The following SWT1 variants were observed in gnomAD, a reference collection of about 807,000 sequenced individuals.
The protein encoded by SWT1 is SWT1 RNA endoribonuclease homolog.
In SWT1, 33 loss-of-function variants were observed where a neutral mutation model predicts 107.3. That is an observed-to-expected ratio of 0.31 (90% confidence interval 0.23 to 0.41). The LOEUF (loss-of-function observed/expected upper bound fraction) is 0.41. SWT1 is among the 10% of genes least tolerant of loss of function. The probability of loss-of-function intolerance (pLI) is 1.00; values close to 1 mark genes in which losing one functional copy is unlikely to be tolerated. For synonymous variants in SWT1, 345 were observed against 348.3 expected, an observed-to-expected ratio of 0.99 and a Z score of 0.11; for missense variants, 898 against 1,028.9, an observed-to-expected ratio of 0.87 and a Z score of 1.74.
chr1:185,274,856 A>G (rs1324267111), intron 17 of SWT1, among the ~76,000 whole-genome samples: 6 of 152,218 alleles, frequency 3.9e-5, no homozygotes, highest in East Asian at 3.9e-4. Flanking sequence ...AAATGTCTTC[A>G]TAGTCAAAAT....
chr1:185,234,934 C>T (rs1393661964), intron 16 of SWT1, among the ~76,000 whole-genome samples: 1 of 152,158 alleles, frequency 6.6e-6, no homozygotes, highest in East Asian at 1.9e-4. Flanking sequence ...TTATAAACAC[C>T]TCTATGCAAA....
intron 2 of SWT1, 53 bp from the exon 3 acceptor site, chr1:185,166,519 A>T: frequency 8.5e-7 from 1 of 1,177,082 alleles, no homozygotes; most frequent in Non-Finnish European, 1.2e-6. Context: ...TTCTGTTTAT[A>T]CTATGCTTTA....
chr1:185,283,399 A>C (rs1664757652), intron 18 of SWT1, among the ~76,000 whole-genome samples: 1 of 152,188 alleles, frequency 6.6e-6, no homozygotes, highest in African/African-American at 2.4e-5. Context: ...TGGTAAATTA[A>C]GGAGATTATC....
intron 10 of SWT1, among the ~76,000 whole-genome samples, chr1:185,196,530 T>C (rs1164942606): frequency 6.6e-6 from 1 of 152,202 alleles, no homozygotes; most frequent in Non-Finnish European, 1.5e-5. Flanking sequence ...AGAAAGCCAA[T>C]GGTAGCTTGA....
intron 14 of SWT1, among the ~76,000 whole-genome samples, chr1:185,218,477 T>G (rs773839564): frequency 6.6e-6 from 1 of 152,128 alleles, no homozygotes; most frequent in African/African-American, 2.4e-5. Context: ...GCTGAGCTAA[T>G]TTTTAAATTT....
chr1:185,224,397 G>A (rs1659898784), intron 15 of SWT1, among the ~76,000 whole-genome samples: 1 of 152,032 alleles, frequency 6.6e-6, no homozygotes, highest in African/African-American at 2.4e-5. Context: ...GTTGTTTGTG[G>A]TATATTTTGA....
rs1479996958 is a variant in SWT1, at chr1:185,174,777, A to G, written c.630A>G (p.Gln210=). ...KCVLEKWKRN[Q]FSQDYNSNKI... is the part of the protein sequence containing the mutation. ...TCTTAGAGAAATGGAAGAGAAATCA[A>G]TTTTCTCAGGATTATAACTCCAACA... The change falls in exon 5 of 19, where the codon CAA becomes CAG. Residue 210 remains glutamine, a synonymous_variant. Coordinates refer to ENST00000367500, the MANE Select transcript of SWT1 (RefSeq NM_017673.7). 1.4e-5 allele frequency: 23 copies of G among 1,610,646 alleles called. No individual in the cohort carries two copies. Among genetic ancestry groups the G allele is most frequent in the East Asian group, 2.2e-5 (1 of 44,864 alleles).
chr1:185,251,523 A>G (rs1274653563), intron 16 of SWT1: 2 of 152,022 alleles, frequency 1.3e-5, no homozygotes, highest in Admixed American at 1.3e-4. Context: ...GGGATTTTCA[A>G]TTTCTTATTG....
intron 18 of SWT1, among the ~76,000 whole-genome samples, chr1:185,287,879 G>A (rs569817142): frequency 2.0e-5 from 3 of 152,160 alleles, no homozygotes; most frequent in Non-Finnish European, 4.4e-5. Context: ...ACTAACTCAC[G>A]TGAATTAAGA....
At chr1:185,159,975 C>T (rs1378152870) in intron 1 of SWT1, among the ~76,000 whole-genome samples, 1 of 152,040 alleles carries the variant, frequency 6.6e-6, no homozygotes, top group Non-Finnish European at 1.5e-5. Flanking sequence ...CCGCCTGTCT[C>T]GGCCTCCCAA....
Position 185,198,237 on chromosome 1 carries a change from G to A in SWT1, c.1524-4417G>A, listed in dbSNP as rs576171508. ...GAGCAGGTTGTTCAGTTTCCATGAC[G>A]TTGTGTGGTTTTGAGTGAGTTTCTT... On this transcript the variant is annotated intron_variant, in intron 10 of 18. Transcript: ENST00000367500. Among the ~76,000 whole-genome samples, 10 of 152,208 alleles carry A rather than the reference G, an allele frequency of 6.6e-5. No individual in the cohort carries two copies. The South Asian group carries it at 1.9e-3, about 28-fold the overall frequency.
chr1:185,270,570 T>A (rs147950504), intron 16 of SWT1, among the ~76,000 whole-genome samples: 1 of 152,130 alleles, frequency 6.6e-6, no homozygotes, highest in African/African-American at 2.4e-5. Context: ...TAGCCCGACT[T>A]GGTGGCGCTT....
intron 4 of SWT1, among the ~76,000 whole-genome samples, chr1:185,169,611 A>G (rs1654877596): frequency 6.6e-6 from 1 of 152,054 alleles, no homozygotes; most frequent in Non-Finnish European, 1.5e-5. Context: ...ATAAGCAAGA[A>G]GCTGGGCACA....
intron 10 of SWT1, among the ~76,000 whole-genome samples, chr1:185,200,058 C>A (rs1332137933): frequency 4.6e-5 from 7 of 151,950 alleles, no homozygotes; most frequent in Admixed American, 2.6e-4. Context: ...CTTGTGTATG[C>A]TTTACGAAGT....
intron 5 of SWT1, chr1:185,177,060 G>C: frequency 3.1e-6 from 3 of 982,278 alleles, no homozygotes; most frequent in Non-Finnish European, 3.6e-6. Context: ...TATAACTAAG[G>C]AGGCCAGAAG....
At chr1:185,254,589 G>A (rs1662325768) in intron 16 of SWT1, among the ~76,000 whole-genome samples, 1 of 150,770 alleles carries the variant, frequency 6.6e-6, no homozygotes, top group South Asian at 2.1e-4. Context: ...AGTATTCTCT[G>A]ATGGTAGTTT....
At chr1:185,219,635 T>C (rs76530061) in intron 14 of SWT1, among the ~76,000 whole-genome samples, 1,740 of 152,282 alleles carry the variant, frequency 0.011, 56 homozygotes, top group East Asian at 0.077. Context: ...TTTTTAAACT[T>C]ATAGTTAAAA....
At chr1:185,227,281 C>G in intron 15 of SWT1, 1 of 753,198 alleles carries the variant, frequency 1.3e-6, no homozygotes, top group Non-Finnish European at 2.4e-6. Flanking sequence ...GTAAAGGCAC[C>G]TGGCTGACCA....
chr1:185,175,992 A>T (rs965754142), intron 5 of SWT1, among the ~76,000 whole-genome samples: 1 of 152,198 alleles, frequency 6.6e-6, no homozygotes, highest in Non-Finnish European at 1.5e-5. Context: ...TTAGTTTAGA[A>T]AGGTATACTG....
Sources: allele counts gnomAD v4.1 joint callset (sites outside exome capture counted in the v4.1 genomes callset), GRCh38; gene constraint gnomAD v4.1.1; transcripts MANE v1.5; gene names NCBI Gene and HGNC (gene_info 2026-07-23, HGNC 2026-07-21).